Variants in FMNL3 observed in about 807,000 individuals in gnomAD.
FMNL3 encodes the protein formin like 3.
In FMNL3, 57 loss-of-function variants were observed where a neutral mutation model predicts 119.6. That is an observed-to-expected ratio of 0.48 (90% CI 0.39 to 0.59). The LOEUF is 0.59. Among genes scored for constraint, FMNL3 ranks in the 20% least tolerant of loss-of-function variants. The probability of loss-of-function intolerance (pLI) is 0.00; values close to 1 mark genes in which losing one functional copy is unlikely to be tolerated. For missense variants in FMNL3, 1,053 were observed against 1,323.5 expected (o/e 0.80, Z 3.17); for synonymous variants, 491 against 507.3 (o/e 0.97, Z 0.43).
chr12:49,650,946 A>ACCCAGCATTGGCCCAGAGCT, intron 16 of FMNL3, 68 bp from the exon 17 acceptor site: 1 of 1,567,294 alleles, frequency 6.4e-7, no homozygotes, highest in Non-Finnish European at 8.8e-7. Context: ...ATGACAGCCC[A>ACCCAGCATTGGCCCAGAGCT]CCCAGCATTG....
chr12:49,642,725 G>T lies in FMNL3; in HGVS notation c.*3090C>A. On this transcript the variant is annotated 3_prime_UTR_variant, in exon 26 of 26. Coordinates refer to ENST00000335154, the MANE Select transcript of FMNL3 (RefSeq NM_175736.5). The surrounding 1 kb of genome is among the most constrained non-coding windows in gnomAD (Gnocchi z 5.8). ...CTGCCTCAGGCCCTTGAACTCATTA[G>T]ACCAGTTCAACAGAGACCTCAGTGG... The T allele has an allele frequency of 6.4e-7, 1 of 1,572,422 alleles. No individual in the cohort carries two copies. The highest frequency in any genetic ancestry group is 1.1e-5 in the South Asian group (1 of 87,220).
At chr12:49,666,559 A>T (rs1943896254) in intron 2 of FMNL3, among the ~76,000 whole-genome samples, 1 of 152,210 alleles carries the variant, frequency 6.6e-6, no homozygotes, top group South Asian at 2.1e-4. Flanking sequence ...TGGGAGGTCG[A>T]GGCAGGGGGA....
In FMNL3 at chr12:49,652,131, A is replaced by G. The variant is rs776478409; in HGVS notation, c.1405T>C (p.Cys469Arg). The G allele has an allele frequency of 5.0e-6, 8 of 1,613,308 alleles. No individual in the cohort carries two copies. Among genetic ancestry groups the G allele is most frequent in the African/African-American group, 1.3e-5 (1 of 75,038 alleles). The change falls in exon 14 of 26, where the codon TGT becomes CGT. Residue 469 changes from cysteine to arginine, a missense_variant. Transcript: ENST00000335154. ...CCCCGGACATTTGGCTCCAAATGAC[A>G]TCGACGCTGAAAGGCCTCCTCCTTC... The part of the protein sequence containing the change: ...KEKEEAFQRR[C>R]HLEPNVRGLE...
At chr12:49,646,504 A>G in intron 25 of FMNL3, 1 of 671,830 alleles carries the variant, frequency 1.5e-6, no homozygotes. Context: ...GGGGCATGCA[A>G]GAAGTATGTG....
intron 1 of FMNL3, among the ~76,000 whole-genome samples, chr12:49,685,142 C>T (rs76954095): frequency 0.056 from 8,483 of 152,258 alleles, 557 homozygotes; most frequent in African/African-American, 0.16. Flanking sequence ...AGGTCTCAAC[C>T]TCAGCTGGTG....
At chr12:49,700,409 A>AAG (rs1555224521) in intron 1 of FMNL3, among the ~76,000 whole-genome samples, 11 of 148,478 alleles carry the variant, frequency 7.4e-5, no homozygotes, top group African/African-American at 2.8e-4. Flanking sequence ...AAAAAAAAAA[A>AAG]AGAGATTTTA....
chr12:49,685,386 CA>C, intron 1 of FMNL3, among the ~76,000 whole-genome samples: 1 of 151,878 alleles, frequency 6.6e-6, no homozygotes, highest in Admixed American at 6.6e-5. Context: ...CACCTGAACC[CA>C]GGAGGTGGAG....
rs1022885718 is a variant in FMNL3, at chr12:49,641,206, G to A, written c.*4609C>T. 6.6e-6 allele frequency: 1 copy of A among 152,252 alleles called. No individual in the cohort carries two copies. Among genetic ancestry groups the A allele is most frequent in the Non-Finnish European group, 1.5e-5 (1 of 68,078 alleles). 9.4% of individuals were successfully genotyped at this position (152,252 alleles called of 1,614,324 possible). A position where few individuals can be genotyped will look rare whatever the true frequency, so the allele number is the denominator to read the frequency against. Reference sequence around the variant, plus strand: ...ATGAGAAGCATAGAGCCTGGCCTGTGGACATGTTTTTAGTATTGGTGGGGA... The same window carrying A: ...ATGAGAAGCATAGAGCCTGGCCTGTAGACATGTTTTTAGTATTGGTGGGGA... On this transcript the variant is annotated 3_prime_UTR_variant, in exon 26 of 26. Transcript: ENST00000335154.
chr12:49,678,400 C>T (rs1325677050), intron 1 of FMNL3, among the ~76,000 whole-genome samples: 1 of 152,060 alleles, frequency 6.6e-6, no homozygotes, highest in East Asian at 1.9e-4. Flanking sequence ...TCGTGATCCA[C>T]CTACCTCAGC....
In FMNL3 at chr12:49,647,771, C is replaced by G; in HGVS notation, c.2710G>C (p.Glu904Gln). 5 of 1,613,920 alleles carry G rather than the reference C, an allele frequency of 3.1e-6. No individual in the cohort carries two copies. The highest frequency in any genetic ancestry group is 1.1e-5 in the South Asian group (1 of 91,056). Reference sequence around the variant, plus strand: ...GAAGGAGGTGTAGTCTTGGGACTCTCGCCAAAGTAGCGCACAACTGCATTG... The same window carrying G: ...GAAGGAGGTGTAGTCTTGGGACTCTGGCCAAAGTAGCGCACAACTGCATTG... ...AYNAVVRYFGESPKTTPPSVF... is the reference protein window; with the variant it reads ...AYNAVVRYFGQSPKTTPPSVF... Residue 904 changes from glutamate to glutamine, a missense_variant, in exon 23 of 26, where the codon GAG (glutamate) becomes CAG (glutamine). Glu to Gln is a conservative substitution (Grantham distance 29). This residue lies in a region of FMNL3 where 324 missense variants were observed against 380.9 expected (regional missense o/e 0.85). Coordinates refer to ENST00000335154, the MANE Select transcript of FMNL3 (RefSeq NM_175736.5). The surrounding 1 kb of genome is among the most constrained non-coding windows in gnomAD (Gnocchi z 4.9).
chr12:49,676,782 T>C lies in FMNL3; in HGVS notation c.127-8228A>G, dbSNP rs140749449. Among the ~76,000 whole-genome samples the C allele has an allele frequency of 3.3e-5, 5 of 152,272 alleles. No individual in the cohort carries two copies. In the East Asian group the frequency reaches 9.6e-4, roughly 29 times the overall value. ...GAGTTCTCTTATCTATAATCTGTCT[T>C]ATGTCCTATAGCACAAATCACTTTA... On this transcript the variant is annotated intron_variant, in intron 1 of 25. Transcript: ENST00000335154.
chr12:49,656,758 A>G (rs1038162747), intron 8 of FMNL3, 65 bp downstream of exon 8: 6 of 1,449,440 alleles, frequency 4.1e-6, no homozygotes, highest in Non-Finnish European at 4.8e-6. Flanking sequence ...TGTCAGGAAT[A>G]CATGGAGTAC....
At chr12:49,689,081 GC>G (rs1037768051) in intron 1 of FMNL3, among the ~76,000 whole-genome samples, 11 of 152,026 alleles carry the variant, frequency 7.2e-5, no homozygotes, top group Non-Finnish European at 1.6e-4. Flanking sequence ...TCACACTACT[GC>G]ACTCCAGCCT....
At chr12:49,695,720 G>A (rs1944732413) in intron 1 of FMNL3, among the ~76,000 whole-genome samples, 1 of 151,972 alleles carries the variant, frequency 6.6e-6, no homozygotes, top group African/African-American at 2.4e-5. Flanking sequence ...ACAGAGTGTT[G>A]TCTTAAAGAT....
chr12:49,707,022 T>G, intron 1 of FMNL3, 33 bp downstream of exon 1: 5 of 1,554,542 alleles, frequency 3.2e-6, no homozygotes, highest in Non-Finnish European at 4.4e-6. Flanking sequence ...TGAGGGGCGG[T>G]ACGCGGGGGA....
rs201858747 is a variant in FMNL3 at position 49,647,035 on chromosome 12, G to A, written c.2872-26C>T. 3.1e-6 allele frequency: 5 copies of A among 1,612,370 alleles called. No individual in the cohort carries two copies. The highest frequency in any genetic ancestry group is 1.3e-5 in the African/African-American group (1 of 74,418). On this transcript the variant is annotated intron_variant, in intron 24 of 25. Coordinates refer to ENST00000335154, the MANE Select transcript of FMNL3 (RefSeq NM_175736.5). This position sits in a 1 kb window ranked among gnomAD's most constrained non-coding sequence, Gnocchi z 4.9. ...CTAGGGCCAAGAATGTGGAGGGGAA[G>A]GAAGTCATCACTAACCTAATGTGGG...
intron 1 of FMNL3, among the ~76,000 whole-genome samples, chr12:49,683,851 C>T (rs1944394858): frequency 6.6e-6 from 1 of 152,198 alleles, no homozygotes; most frequent in African/African-American, 2.4e-5. Flanking sequence ...TGAGAGGGTT[C>T]TCTGAACACA....
chr12:49,699,182 G>C (rs1944835213), intron 1 of FMNL3, among the ~76,000 whole-genome samples: 1 of 152,178 alleles, frequency 6.6e-6, no homozygotes, highest in African/African-American at 2.4e-5. Flanking sequence ...TGACTGGTCT[G>C]GCAGACCAGA....
In FMNL3 at chr12:49,643,389, T is replaced by C. The variant is rs149203454; in HGVS notation, c.*2426A>G. The stretch of plus-strand genomic sequence containing the variant: ...CGGGGCTCCCCTTCCTCCCATCTTC[T>C]TGGAGCAGGTAAGCAGTTGCTGTGA... On this transcript the variant is annotated 3_prime_UTR_variant, in exon 26 of 26. Coordinates refer to ENST00000335154, the MANE Select transcript of FMNL3 (RefSeq NM_175736.5). The C allele has an allele frequency of 3.2e-6, 5 of 1,561,488 alleles. No homozygotes were observed. The African/African-American group carries it at 4.1e-5, about 13-fold the overall frequency.
Sources: gnomAD v4.1 joint callset for allele counts (sites outside exome capture counted in the v4.1 genomes callset) on GRCh38, gnomAD v4.1.1 for gene constraint, gnomAD v4.1.1 regional missense constraint, Gnocchi (gnomAD v3.1) non-coding constraint, MANE v1.5 for transcripts, NCBI Gene and HGNC (gene_info 2026-07-23, HGNC 2026-07-21) for gene names.